The following SNTA1 variants were observed in gnomAD, a reference collection of about 807,000 sequenced individuals.
The protein encoded by SNTA1 is syntrophin alpha 1, also known as alpha-1-syntrophin.
Under a neutral mutation model 47.1 loss-of-function variants are expected in SNTA1, and 31 were observed. The ratio of observed to expected loss-of-function variants is 0.66; its 90% CI spans 0.49 to 0.89. The LOEUF (loss-of-function observed/expected upper bound fraction) is 0.89, where lower values mean the gene tolerates loss of function less well. Ranked by LOEUF, SNTA1 falls within the 40% of genes least tolerant of loss-of-function variation. The probability of loss-of-function intolerance (pLI) is 0.00; values close to 1 mark genes in which losing one functional copy is unlikely to be tolerated. For missense variants in SNTA1, 575 were observed against 693.0 expected (o/e 0.83, Z 1.91); for synonymous variants, 300 against 313.6 (o/e 0.96, Z 0.46).
intron 2 of SNTA1, among the ~76,000 whole-genome samples, chr20:33,427,208 G>A (rs1990190373): frequency 6.6e-6 from 1 of 152,178 alleles, no homozygotes; most frequent in Non-Finnish European, 1.5e-5. Flanking sequence ...TTCCTAGTGT[G>A]ACAGTATAAG....
chr20:33,428,131 G>C (rs1053114639), intron 2 of SNTA1, among the ~76,000 whole-genome samples: 1 of 152,106 alleles, frequency 6.6e-6, no homozygotes, highest in Admixed American at 6.6e-5. Flanking sequence ...GAGGGGCCGG[G>C]CACAGTGGCT....
rs1989761736 is a variant in SNTA1, at chr20:33,412,395, G to C, written c.941C>G (p.Ala314Gly). ...LPSGGTAPTL[A>G]LLTEKELLLY... ...GAGCAGTTCCTTTTCAGTTAGCAGG[G>C]CCAGGGTGGGGGCTGTGCCCCCACT... The change falls in exon 5 of 8, where the codon GCC (alanine) becomes GGC (glycine). Residue 314 changes from alanine (A) to glycine (G), a missense_variant. Coordinates refer to ENST00000217381, the MANE Select transcript of SNTA1 (RefSeq NM_003098.3). 1 of 1,610,988 alleles carries C rather than the reference G, an allele frequency of 6.2e-7. No homozygotes were observed. Among genetic ancestry groups the C allele is most frequent in the Non-Finnish European group, 8.5e-7 (1 of 1,179,126 alleles).
intron 2 of SNTA1, among the ~76,000 whole-genome samples, chr20:33,433,542 C>A (rs1328767787): frequency 6.6e-6 from 1 of 152,158 alleles, no homozygotes; most frequent in Non-Finnish European, 1.5e-5. Context: ...GCTAGGATTA[C>A]AGGCATGAGT....
At chr20:33,420,298 C>T (rs944048968) in intron 2 of SNTA1, among the ~76,000 whole-genome samples, 1 of 152,112 alleles carries the variant, frequency 6.6e-6, no homozygotes, top group African/African-American at 2.4e-5. Flanking sequence ...CCTGAGTTTT[C>T]GATGATACCA....
At chr20:33,420,400 T>C (rs1189031630) in intron 2 of SNTA1, among the ~76,000 whole-genome samples, 1 of 152,228 alleles carries the variant, frequency 6.6e-6, no homozygotes, top group Non-Finnish European at 1.5e-5. Context: ...CCTCATTGAA[T>C]TGGATTCCTG....
At chr20:33,438,800 C>G (rs781634702) in intron 2 of SNTA1, 41 bp downstream of exon 2, 1 of 1,554,708 alleles carries the variant, frequency 6.4e-7, no homozygotes, top group Non-Finnish European at 8.9e-7. Flanking sequence ...AGTGGAACAC[C>G]TCCACCCAGC....
At chr20:33,421,171 C>CAA (rs779903198) in intron 2 of SNTA1, among the ~76,000 whole-genome samples, 3 of 127,570 alleles carry the variant, frequency 2.4e-5, no homozygotes, top group African/African-American at 2.9e-5. Context: ...TACCCTGTCT[C>CAA]AAAAAAAAAA....
intron 2 of SNTA1, among the ~76,000 whole-genome samples, chr20:33,423,393 G>C (rs1453940011): frequency 6.6e-6 from 1 of 152,194 alleles, no homozygotes; most frequent in Non-Finnish European, 1.5e-5. Context: ...AAAGCCTATG[G>C]CCTAGAGAGC....
chr20:33,414,272 A>AAAAC (rs1989821672), intron 3 of SNTA1, among the ~76,000 whole-genome samples: 4 of 138,698 alleles, frequency 2.9e-5, no homozygotes, highest in African/African-American at 5.4e-5. Flanking sequence ...AAAAAAAAAA[A>AAAAC]CAGAAAAACA....
intron 2 of SNTA1, among the ~76,000 whole-genome samples, chr20:33,426,182 C>T (rs1247160902): frequency 6.6e-6 from 1 of 151,958 alleles, no homozygotes; most frequent in Non-Finnish European, 1.5e-5. Context: ...GGCGCAGTGA[C>T]TCACGCCTGT....
rs1198094581 is a variant in SNTA1 at position 33,443,482 on chromosome 20, C to T, written c.139G>A (p.Gly47Ser). ...GCGCCGGGCTCGGGACCAGGGTCGC[C>T]GTCGGCGGGGCTCACGGTCAGCACG... ...EDVLTVSPAD[G>S]DPGPEPGAPR... The change falls in exon 1 of 8, where the codon GGC becomes AGC. Residue 47 changes from glycine to serine, a missense_variant. Gly to Ser is a moderately conservative substitution (Grantham distance 56, BLOSUM62 0). Coordinates refer to ENST00000217381, the MANE Select transcript of SNTA1 (RefSeq NM_003098.3). The T allele has an allele frequency of 7.3e-7, 1 of 1,378,280 alleles. No homozygotes were observed. Among genetic ancestry groups the T allele is most frequent in the Non-Finnish European group, 9.4e-7 (1 of 1,061,138 alleles). 85.4% of individuals were successfully genotyped at this position (1,378,280 alleles called of 1,614,324 possible).
Position 33,439,165 on chromosome 20 carries a change from T to A in SNTA1, c.311-139A>T, listed in dbSNP as rs1004139687. ...AAAGGCAATGGGAGAATAAAGGGAA[T>A]CTGAGAAAAATCTTGGAAGTTTGGG... On this transcript the variant is annotated intron_variant, in intron 1 of 7. Transcript: ENST00000217381. 8.8e-6 allele frequency: 7 copies of A among 794,294 alleles called. No homozygotes were observed. The African/African-American group carries it at 1.2e-4, about 14-fold the overall frequency. 49.2% of individuals were successfully genotyped at this position (794,294 alleles called of 1,614,324 possible).
At chr20:33,428,368 C>T (rs1990215087) in intron 2 of SNTA1, among the ~76,000 whole-genome samples, 1 of 151,810 alleles carries the variant, frequency 6.6e-6, no homozygotes, top group South Asian at 2.1e-4. Flanking sequence ...ATGATTATGC[C>T]ACTGCACTCC....
At chr20:33,417,465 G>A (rs964266933) in intron 3 of SNTA1, among the ~76,000 whole-genome samples, 1 of 152,172 alleles carries the variant, frequency 6.6e-6, no homozygotes, top group Non-Finnish European at 1.5e-5. Flanking sequence ...AGAGGACCAG[G>A]ACTGGAACGC....
At chr20:33,415,383 A>G (rs941061986) in intron 3 of SNTA1, among the ~76,000 whole-genome samples, 3 of 152,228 alleles carry the variant, frequency 2.0e-5, no homozygotes, top group African/African-American at 7.2e-5. Context: ...CGGGCCGGGC[A>G]TGGTGGCTCA....
Position 33,408,422 on chromosome 20 carries a change from C to G in SNTA1, c.*85G>C. 2.1e-6 allele frequency: 2 copies of G among 973,188 alleles called. No homozygotes were observed. The highest frequency in any genetic ancestry group is 2.7e-5 in the South Asian group (2 of 75,116). The allele number at this position is 973,188 out of a possible 1,614,324, so 60.3% of individuals were successfully genotyped here. Reference sequence around the variant, plus strand: ...TTCCTCTCCTCTCCCTTCCCTCAGCCCAGGGGTGAGCAGGCAGTCGGTGGA... The same window carrying G: ...TTCCTCTCCTCTCCCTTCCCTCAGCGCAGGGGTGAGCAGGCAGTCGGTGGA... On this transcript the variant is annotated 3_prime_UTR_variant, in exon 8 of 8. Transcript: ENST00000217381.
Position 33,443,545 on chromosome 20 carries a change from C to A in SNTA1, c.76G>T (p.Glu26Ter). 2.2e-6 allele frequency: 3 copies of A among 1,339,314 alleles called. No homozygotes were observed. Among genetic ancestry groups the A allele is most frequent in the Non-Finnish European group, 2.9e-6 (3 of 1,037,926 alleles). 83.0% of individuals were successfully genotyped at this position (1,339,314 alleles called of 1,614,324 possible). A position where few individuals can be genotyped will look rare whatever the true frequency, so the allele number is the denominator to read the frequency against. ...RAGAGSGAGG[E>*]RWQRVLLSLA... is the part of the protein sequence containing the mutation. ...CTCAGCAGCACCCGCTGCCATCGCTCGCCGCCGGCCCCCGAGCCCGCCCCG... is the reference window on the plus strand; with the variant it reads ...CTCAGCAGCACCCGCTGCCATCGCTAGCCGCCGGCCCCCGAGCCCGCCCCG... The change falls in exon 1 of 8, where the codon GAG becomes TAG. Residue 26 changes from glutamate (E) to a stop codon, truncating the protein, a stop_gained. Transcript: ENST00000217381. LOFTEE classifies it high-confidence loss of function.
rs533543846 is a variant in SNTA1, at chr20:33,428,628, A to G, written c.496+10213T>C. 1.1e-4 allele frequency among the ~76,000 whole-genome samples: 16 copies of G among 152,000 alleles called. No homozygotes were observed. The South Asian group carries it at 2.9e-3, about 28-fold the overall frequency. On this transcript the variant is annotated intron_variant, in intron 2 of 7. Coordinates refer to ENST00000217381, the MANE Select transcript of SNTA1 (RefSeq NM_003098.3). ...CTTGCTTTGTTGCCCAGATTAGAGTACAGTGGCATAATCATAGTTTGGGTA... is the reference window on the plus strand; with the variant it reads ...CTTGCTTTGTTGCCCAGATTAGAGTGCAGTGGCATAATCATAGTTTGGGTA...
chr20:33,412,559 C>T lies in SNTA1; in HGVS notation c.909+16G>A. ...GCGGAAGAGAGAGAGGGATAGGTCCCAGGCCCAGCAGGTACCTGCTCAGTT... is the reference window on the plus strand; with the variant it reads ...GCGGAAGAGAGAGAGGGATAGGTCCTAGGCCCAGCAGGTACCTGCTCAGTT... On this transcript the variant is annotated intron_variant, in intron 4 of 7. Transcript: ENST00000217381. The T allele has an allele frequency of 6.2e-7, 1 of 1,611,754 alleles. No homozygotes were observed. The highest frequency in any genetic ancestry group is 8.5e-7 in the Non-Finnish European group (1 of 1,179,246).
Sources: allele counts gnomAD v4.1 joint callset (sites outside exome capture counted in the v4.1 genomes callset), GRCh38; gene constraint gnomAD v4.1.1; transcripts MANE v1.5; gene names NCBI Gene and HGNC (gene_info 2026-07-23, HGNC 2026-07-21).